The following SMYD3 variants were observed in gnomAD, a reference collection of about 807,000 sequenced individuals.
SMYD3 encodes the protein histone-lysine N-methyltransferase SMYD3.
Under a neutral mutation model 57.7 loss-of-function variants are expected in SMYD3, and 36 were observed. That is an observed-to-expected ratio of 0.62 (90% CI 0.48 to 0.82). The LOEUF (loss-of-function observed/expected upper bound fraction) is 0.82, where lower values mean the gene tolerates loss of function less well. Ranked by LOEUF, SMYD3 falls within the 40% of genes least tolerant of loss-of-function variation. The probability of loss-of-function intolerance (pLI) is 0.00; values close to 1 mark genes in which losing one functional copy is unlikely to be tolerated. For missense variants in SMYD3, 515 were observed against 538.8 expected, an observed-to-expected ratio of 0.96 and a Z score of 0.44; for synonymous variants, 211 against 195.0, an observed-to-expected ratio of 1.08 and a Z score of -0.68.
intron 10 of SMYD3, among the ~76,000 whole-genome samples, chr1:245,844,464 G>A (rs1019797878): frequency 3.3e-5 from 5 of 152,206 alleles, no homozygotes; most frequent in Non-Finnish European, 5.9e-5. Flanking sequence ...ATAGGCTGAC[G>A]AAGTAAAAAT....
chr1:246,038,483 G>A (rs2059815158), intron 5 of SMYD3, among the ~76,000 whole-genome samples: 1 of 152,168 alleles, frequency 6.6e-6, no homozygotes, highest in East Asian at 1.9e-4. Context: ...CGAGCATCCT[G>A]GTGGGAGCCA....
chr1:246,290,732 T>C (rs2064673511), intron 5 of SMYD3, among the ~76,000 whole-genome samples: 1 of 152,128 alleles, frequency 6.6e-6, no homozygotes, highest in Non-Finnish European at 1.5e-5. Flanking sequence ...TTTTTTTTCC[T>C]TCACATCCCA....
chr1:246,224,648 G>A (rs1329986542), intron 5 of SMYD3, among the ~76,000 whole-genome samples: 1 of 151,512 alleles, frequency 6.6e-6, no homozygotes, highest in Non-Finnish European at 1.5e-5. Context: ...GAGGAGGAAG[G>A]ACAGAAGGAA....
At chr1:246,286,020 AACACTTCTAC>A (rs1480437229) in intron 5 of SMYD3, among the ~76,000 whole-genome samples, 1 of 152,190 alleles carries the variant, frequency 6.6e-6, no homozygotes, top group Non-Finnish European at 1.5e-5. Context: ...GTGAAAAGGG[AACACTTCTAC>A]ACTGCTGGTG....
intron 8 of SMYD3, among the ~76,000 whole-genome samples, chr1:245,876,621 C>A (rs1014967997): frequency 6.6e-6 from 1 of 152,200 alleles, no homozygotes; most frequent in African/African-American, 2.4e-5. Context: ...ACAAAAGTGA[C>A]CAAGTCTGTG....
chr1:245,973,666 C>G (rs985528901), intron 5 of SMYD3, among the ~76,000 whole-genome samples: 3 of 152,220 alleles, frequency 2.0e-5, no homozygotes, highest in Admixed American at 6.5e-5. Flanking sequence ...ATCAGTTGCT[C>G]TTGTAACCAG....
chr1:246,463,963 G>A lies in SMYD3; in HGVS notation c.164+43091C>T, dbSNP rs928142807. Among the ~76,000 whole-genome samples the A allele has an allele frequency of 2.5e-4, 38 of 151,960 alleles. 2 individuals carry two copies. The highest frequency in any genetic ancestry group is 2.4e-3 in the Admixed American group (37 of 15,280). On this transcript the variant is annotated intron_variant, in intron 1 of 11. Coordinates refer to ENST00000490107, the MANE Select transcript of SMYD3 (RefSeq NM_001167740.2). ...AAGACAACAGAGGAGGCATATGGAC[G>A]GAAAAGATGGCCCAGAAACAGGTCT...
intron 5 of SMYD3, among the ~76,000 whole-genome samples, chr1:246,092,595 C>T (rs2060842209): frequency 6.6e-6 from 1 of 152,132 alleles, no homozygotes; most frequent in South Asian, 2.1e-4. Flanking sequence ...CCTCTCACCA[C>T]ATACAAAAAT....
At chr1:245,753,447 G>A (rs773226959) in intron 11 of SMYD3, among the ~76,000 whole-genome samples, 11 of 152,220 alleles carry the variant, frequency 7.2e-5, no homozygotes, top group Admixed American at 2.6e-4. Flanking sequence ...GGATGTGTGC[G>A]TGGATGAATG....
At chr1:246,077,266 T>A (rs528584461) in intron 5 of SMYD3, among the ~76,000 whole-genome samples, 1 of 152,194 alleles carries the variant, frequency 6.6e-6, no homozygotes, top group Non-Finnish European at 1.5e-5. Flanking sequence ...ACATTTTTCA[T>A]CATTTAACAA....
intron 1 of SMYD3, among the ~76,000 whole-genome samples, chr1:246,433,859 C>G (rs2067332770): frequency 6.6e-6 from 1 of 152,110 alleles, no homozygotes; most frequent in Non-Finnish European, 1.5e-5. Flanking sequence ...ATCACATTAC[C>G]CAACTTCAAA....
intron 10 of SMYD3, among the ~76,000 whole-genome samples, chr1:245,833,624 G>GT (rs569752743): frequency 2.6e-5 from 4 of 152,234 alleles, no homozygotes; most frequent in Non-Finnish European, 5.9e-5. Context: ...TGTTTGCCAA[G>GT]TTTTTCCACT....
In SMYD3 at chr1:246,355,130, G is replaced by T; in HGVS notation, c.165-36C>A. The T allele has an allele frequency of 2.5e-6, 4 of 1,594,578 alleles. No individual in the cohort carries two copies. The highest frequency in any genetic ancestry group is 1.1e-5 in the South Asian group (1 of 90,646). On this transcript the variant is annotated intron_variant, in intron 1 of 11. Coordinates refer to ENST00000490107, the MANE Select transcript of SMYD3 (RefSeq NM_001167740.2). The surrounding 1 kb of genome is among the most constrained non-coding windows in gnomAD (Gnocchi z 5.0). The stretch of plus-strand genomic sequence containing the variant: ...AAAAATTAATTCTGCATTAAGAAAT[G>T]AGTGGGAAACATAGTACATAGTTGA...
chr1:245,891,484 G>T (rs1408003877), intron 8 of SMYD3, among the ~76,000 whole-genome samples: 1 of 152,188 alleles, frequency 6.6e-6, no homozygotes, highest in Non-Finnish European at 1.5e-5. Context: ...CCAGGAATCT[G>T]GGGGGAGGGG....
intron 5 of SMYD3, among the ~76,000 whole-genome samples, chr1:246,054,918 G>C (rs1286662315): frequency 6.8e-6 from 1 of 147,442 alleles, no homozygotes; most frequent in Non-Finnish European, 1.5e-5. Flanking sequence ...GCTCACGCCT[G>C]TAATCCCAGC....
intron 10 of SMYD3, among the ~76,000 whole-genome samples, chr1:245,799,614 G>A (rs901900804): frequency 5.3e-5 from 8 of 152,204 alleles, no homozygotes; most frequent in Non-Finnish European, 7.4e-5. Flanking sequence ...AAAGTGTAAC[G>A]AATGTTAGTC....
intron 10 of SMYD3, among the ~76,000 whole-genome samples, chr1:245,773,964 A>T (rs1046164535): frequency 3.9e-5 from 6 of 152,368 alleles, no homozygotes; most frequent in African/African-American, 1.4e-4. Context: ...TGAACGTTTT[A>T]GTTCAAGTTT....
chr1:246,154,523 G>A (rs1368222120), intron 5 of SMYD3, among the ~76,000 whole-genome samples: 1 of 152,154 alleles, frequency 6.6e-6, no homozygotes, highest in Non-Finnish European at 1.5e-5. Flanking sequence ...TAGACTTTCA[G>A]ATGCAGTGTT....
intron 5 of SMYD3, among the ~76,000 whole-genome samples, chr1:246,104,410 ACT>A (rs1219926433): frequency 2.0e-5 from 3 of 152,258 alleles, no homozygotes; most frequent in Non-Finnish European, 4.4e-5. Context: ...TTGTGGATCC[ACT>A]GTGAAATAAG....
Sources: allele counts gnomAD v4.1 joint callset (sites outside exome capture counted in the v4.1 genomes callset), GRCh38; gene constraint gnomAD v4.1.1; non-coding constraint Gnocchi (gnomAD v3.1); transcripts MANE v1.5; gene names NCBI Gene and HGNC (gene_info 2026-07-23, HGNC 2026-07-21).